The following GALNT1 variants were observed in gnomAD, a reference collection of about 807,000 sequenced individuals.
The protein encoded by GALNT1 is GalNAc transferase 1.
In GALNT1, 17 loss-of-function variants were observed where a neutral mutation model predicts 65.7. That is an observed-to-expected ratio of 0.26 (90% CI 0.18 to 0.39). The LOEUF is 0.39. Ranked by LOEUF, GALNT1 falls within the 10% of genes least tolerant of loss-of-function variation. The probability of loss-of-function intolerance (pLI) is 1.00; values close to 1 mark genes in which losing one functional copy is unlikely to be tolerated. For synonymous variants in GALNT1, 210 were observed against 219.7 expected, an observed-to-expected ratio of 0.96 and a Z score of 0.39; for missense variants, 460 against 672.8, an observed-to-expected ratio of 0.68 and a Z score of 3.50.
At chr18:35,631,106 C>T (rs550552871) in intron 1 of GALNT1, among the ~76,000 whole-genome samples, 2 of 152,254 alleles carry the variant, frequency 1.3e-5, no homozygotes, top group African/African-American at 4.8e-5. Context: ...AGATTCACAG[C>T]CACATTCTAC....
chr18:35,600,933 A>G (rs1234416892), intron 1 of GALNT1, among the ~76,000 whole-genome samples: 1 of 151,942 alleles, frequency 6.6e-6, no homozygotes, highest in Non-Finnish European at 1.5e-5. Context: ...TTTTTGGTAT[A>G]TGAGTAATGG....
chr18:35,682,046 A>G (rs753405649), intron 4 of GALNT1, among the ~76,000 whole-genome samples: 1 of 152,154 alleles, frequency 6.6e-6, no homozygotes, highest in Non-Finnish European at 1.5e-5. Context: ...TTACTACAAA[A>G]TGTTGCTCTT....
chr18:35,605,902 A>G (rs1291370445), intron 1 of GALNT1, among the ~76,000 whole-genome samples: 2 of 152,196 alleles, frequency 1.3e-5, no homozygotes, highest in Non-Finnish European at 2.9e-5. Flanking sequence ...TAGCATCATA[A>G]GAAGGTATAG....
rs571533792 is a variant in GALNT1 at position 35,663,350 on chromosome 18, T to C, written c.140-278T>C. 1.1e-3 allele frequency among the ~76,000 whole-genome samples: 168 copies of C among 152,290 alleles called. 1 individual carries two copies. The highest frequency in any genetic ancestry group is 8.9e-3 in the South Asian group (43 of 4,830). Reference sequence around the variant, plus strand: ...AAGAATAACAATGAAGGCTGCACTTTAAGGAGATCAGTGTGGCAGTAGTTT... The same window carrying C: ...AAGAATAACAATGAAGGCTGCACTTCAAGGAGATCAGTGTGGCAGTAGTTT... On this transcript the variant is annotated intron_variant, in intron 2 of 11. Coordinates refer to ENST00000269195, the MANE Select transcript of GALNT1 (RefSeq NM_020474.4).
chr18:35,652,498 A>T (rs925353568), intron 1 of GALNT1, among the ~76,000 whole-genome samples: 1 of 151,978 alleles, frequency 6.6e-6, no homozygotes, highest in East Asian at 1.9e-4. Context: ...TTGTGTATGT[A>T]TGCCTAACAA....
chr18:35,671,719 C>G (rs1656048090), intron 3 of GALNT1, among the ~76,000 whole-genome samples: 1 of 151,926 alleles, frequency 6.6e-6, no homozygotes, highest in South Asian at 2.1e-4. Context: ...TCATGTTTTT[C>G]TGTCTCTTGG....
intron 1 of GALNT1, among the ~76,000 whole-genome samples, chr18:35,616,371 G>A (rs906688515): frequency 2.0e-5 from 3 of 152,136 alleles, no homozygotes; most frequent in Non-Finnish European, 4.4e-5. Context: ...GGCTTACTGG[G>A]TTGTTGGGAG....
chr18:35,648,094 G>A (rs1218538533), intron 1 of GALNT1, among the ~76,000 whole-genome samples: 3 of 149,382 alleles, frequency 2.0e-5, no homozygotes, highest in Non-Finnish European at 4.5e-5. Flanking sequence ...AAGGGTGGAA[G>A]GGAGGGAGGA....
At chr18:35,587,055 T>C (rs914956260) in intron 1 of GALNT1, among the ~76,000 whole-genome samples, 1 of 152,240 alleles carries the variant, frequency 6.6e-6, no homozygotes, top group Non-Finnish European at 1.5e-5. Context: ...ATATGTTTTG[T>C]TAGTTTTTAT....
In GALNT1 at chr18:35,654,738, C is replaced by G; in HGVS notation, c.76C>G (p.Leu26Val). 1 of 1,581,280 alleles carries G rather than the reference C, an allele frequency of 6.3e-7. No individual in the cohort carries two copies. The highest frequency in any genetic ancestry group is 8.6e-7 in the Non-Finnish European group (1 of 1,161,794). ...GGTACTCTTGGATATGTTCCTGCTG[C>G]TTTACTTCAGTGAATGCAACAAATG... ...IWVLLDMFLL[L>V]YFSECNKCDE... Residue 26 changes from leucine (L) to valine (V), a missense_variant, in exon 2 of 12, where the codon CTT (leucine) becomes GTT (valine). Leu to Val is a conservative substitution (Grantham distance 32). Coordinates refer to ENST00000269195, the MANE Select transcript of GALNT1 (RefSeq NM_020474.4).
chr18:35,616,005 A>G (rs546771087), intron 1 of GALNT1, among the ~76,000 whole-genome samples: 2 of 152,174 alleles, frequency 1.3e-5, no homozygotes, highest in Non-Finnish European at 2.9e-5. Flanking sequence ...CCATATATAA[A>G]TGAATGAGAG....
At chr18:35,689,090 T>A (rs2047914556) in intron 6 of GALNT1, 83 bp from the exon 7 acceptor site, 2 of 856,212 alleles carry the variant, frequency 2.3e-6, no homozygotes, top group Non-Finnish European at 2.0e-6. Flanking sequence ...TAGTTATAAA[T>A]AGTTATGAAA....
At chr18:35,635,609 T>C (rs1304643202) in intron 1 of GALNT1, among the ~76,000 whole-genome samples, 2 of 152,172 alleles carry the variant, frequency 1.3e-5, no homozygotes, top group African/African-American at 4.8e-5. Context: ...GTTGAAATAC[T>C]GTTGGATTTG....
At chr18:35,592,913 A>G (rs902633967) in intron 1 of GALNT1, among the ~76,000 whole-genome samples, 1 of 152,116 alleles carries the variant, frequency 6.6e-6, no homozygotes, top group African/African-American at 2.4e-5. Flanking sequence ...TTATGTAGGG[A>G]TAAGGACCTT....
chr18:35,622,730 G>A (rs556604727), intron 1 of GALNT1, among the ~76,000 whole-genome samples: 1 of 146,968 alleles, frequency 6.8e-6, no homozygotes, highest in African/African-American at 2.5e-5. Flanking sequence ...TTTCCTTCTT[G>A]TTGTACTGCG....
intron 3 of GALNT1, among the ~76,000 whole-genome samples, chr18:35,671,249 C>T (rs1393638482): frequency 6.6e-6 from 1 of 152,142 alleles, no homozygotes; most frequent in Non-Finnish European, 1.5e-5. Context: ...CAGGGTCTTG[C>T]TCTGTTGCCC....
At position 35,623,325 on chromosome 18, in the gene GALNT1, C is replaced by A. The variant is rs183219537; in HGVS notation, c.-103-31235C>A. ...TCCCCTGTACATACATTTTTTTTTC[C>A]CTGTGGATGCTTTCAATATTTTGTC... On this transcript the variant is annotated intron_variant, in intron 1 of 11. Transcript: ENST00000269195. Among the ~76,000 whole-genome samples, 382 of 151,054 alleles carry A rather than the reference C, an allele frequency of 2.5e-3. 1 individual carries two copies. Among genetic ancestry groups the A allele is most frequent in the African/African-American group, 8.5e-3 (350 of 41,228 alleles).
At chr18:35,695,068 T>C (rs557547992) in intron 9 of GALNT1, among the ~76,000 whole-genome samples, 1 of 152,206 alleles carries the variant, frequency 6.6e-6, no homozygotes, top group Non-Finnish European at 1.5e-5. Flanking sequence ...ATTTGCAAGA[T>C]GAAAAAGTTC....
At chr18:35,685,303 T>A (rs955005928) in intron 5 of GALNT1, among the ~76,000 whole-genome samples, 37 of 152,150 alleles carry the variant, frequency 2.4e-4, no homozygotes, top group African/African-American at 8.7e-4. Context: ...CAAAAACTAA[T>A]TCGTTTAATA....
Sources: allele counts gnomAD v4.1 joint callset (sites outside exome capture counted in the v4.1 genomes callset), GRCh38; gene constraint gnomAD v4.1.1; transcripts MANE v1.5; gene names NCBI Gene and HGNC (gene_info 2026-07-23, HGNC 2026-07-21).